Variants in DHX57 observed in about 807,000 individuals in gnomAD.
DHX57 encodes the protein DExH-box helicase 57, also known as putative ATP-dependent RNA helicase DHX57.
Under a neutral mutation model 156.2 loss-of-function variants are expected in DHX57, and 105 were observed. The ratio of observed to expected loss-of-function variants is 0.67; its 90% CI spans 0.57 to 0.79. DHX57 has a LOEUF of 0.79. Among genes scored for constraint, DHX57 ranks in the 30% least tolerant of loss-of-function variants. The pLI, the probability that DHX57 is intolerant of heterozygous loss-of-function variation, is 0.00. For synonymous variants in DHX57, 704 were observed against 595.6 expected (o/e 1.18, Z -2.65); for missense variants, 1,847 against 1,661.9 (o/e 1.11, Z -1.94).
chr2:38,826,825 A>C, intron 14 of DHX57, 136 bp from the exon 15 acceptor site: 3 of 954,510 alleles, frequency 3.1e-6, no homozygotes, highest in Non-Finnish European at 3.1e-6. Context: ...CTCAGAGCTC[A>C]GCTCTTCTAC....
intron 11 of DHX57, among the ~76,000 whole-genome samples, chr2:38,845,374 T>C (rs775316721): frequency 2.6e-5 from 4 of 152,134 alleles, no homozygotes; most frequent in Non-Finnish European, 5.9e-5. Context: ...TAAGTATCCT[T>C]ATTGCACATT....
In DHX57 at chr2:38,807,945, C is replaced by CTTTTTT. The variant is rs34221239; in HGVS notation, c.3682-1258_3682-1253dup. The stretch of plus-strand genomic sequence containing the variant: ...ACAGGCGTGAGCCACTGTGTCTTGC[C>CTTTTTT]TTTTTTTTTTTTTTTTTTTTTTTTT... On this transcript the variant is annotated intron_variant, in intron 21 of 23. Coordinates refer to ENST00000457308, the MANE Select transcript of DHX57 (RefSeq NM_198963.3). 5.5e-5 allele frequency among the ~76,000 whole-genome samples: 3 copies of CTTTTTT among 54,254 alleles called. 1 individual carries two copies. Among genetic ancestry groups the CTTTTTT allele is most frequent in the East Asian group, 8.5e-4 (1 of 1,178 alleles). The allele number at this position is 54,254 out of a possible 152,430, so 35.6% of individuals were successfully genotyped here.
In DHX57 at chr2:38,815,901, C is replaced by A. The variant is rs113916566; in HGVS notation, c.3472-246G>T. The stretch of plus-strand genomic sequence containing the variant: ...GCAAAAATTCAATAAATCCAAGGAT[C>A]ATTTATTTAACTCTAGATTACAATT... On this transcript the variant is annotated intron_variant, in intron 19 of 23. Transcript: ENST00000457308. 577 of 526,240 alleles carry A rather than the reference C, an allele frequency of 1.1e-3. 3 individuals carry two copies. Among genetic ancestry groups the A allele is most frequent in the African/African-American group, 9.9e-3 (519 of 52,368 alleles). 32.6% of individuals were successfully genotyped at this position (526,240 alleles called of 1,614,324 possible). A position where few individuals can be genotyped will look rare whatever the true frequency, so the allele number is the denominator to read the frequency against.
Position 38,826,630 on chromosome 2 carries a change from A to G in DHX57, c.2699T>C (p.Val900Ala). The change falls in exon 15 of 24, where the codon GTA becomes GCA. Residue 900 changes from valine to alanine, a missense_variant. By Grantham distance (64) the Val-to-Ala change is moderately conservative. Coordinates refer to ENST00000457308, the MANE Select transcript of DHX57 (RefSeq NM_198963.3). ...CTTAGTTACTCCTGCAGGAGGTTTT[A>G]CAAACACAGCCTGCTGCTCTTCACT... ...LSSEEQQAVF[V>A]KPPAGVTKII... is the part of the protein sequence containing the mutation. 1.9e-6 allele frequency: 3 copies of G among 1,614,176 alleles called. No individual in the cohort carries two copies. Among genetic ancestry groups the G allele is most frequent in the Non-Finnish European group, 2.5e-6 (3 of 1,180,010 alleles).
chr2:38,861,025 G>A lies in DHX57; in HGVS notation c.1385C>T (p.Ser462Phe), dbSNP rs1353484091. Reference protein sequence around the residue: ...ACHKTVIPNNSFVSNQIPEVE... With the variant: ...ACHKTVIPNNFFVSNQIPEVE... Reference sequence around the variant, plus strand: ...TTCTGGAATTTGATTAGAAACAAAAGAATTATTTGGAATCACTGTTTTATG... The same window carrying A: ...TTCTGGAATTTGATTAGAAACAAAAAAATTATTTGGAATCACTGTTTTATG... The change falls in exon 5 of 24, where the codon TCT (serine) becomes TTT (phenylalanine). Residue 462 changes from serine (S) to phenylalanine (F), a missense_variant. Transcript: ENST00000457308. The A allele has an allele frequency of 1.2e-6, 2 of 1,613,620 alleles. No homozygotes were observed. The highest frequency in any genetic ancestry group is 1.1e-5 in the South Asian group (1 of 91,014).
intron 14 of DHX57, among the ~76,000 whole-genome samples, chr2:38,827,056 A>C (rs1490234827): frequency 6.6e-6 from 1 of 152,146 alleles, no homozygotes; most frequent in East Asian, 1.9e-4. Flanking sequence ...ACTTGAGCCC[A>C]GGATGCAGAG....
intron 16 of DHX57, among the ~76,000 whole-genome samples, chr2:38,824,659 TG>T (rs1006944889): frequency 7.3e-4 from 111 of 152,358 alleles, no homozygotes; most frequent in African/African-American, 2.4e-3. Flanking sequence ...TTTTATTTTT[TG>T]GGGGGGTATA....
intron 9 of DHX57, among the ~76,000 whole-genome samples, chr2:38,849,396 A>T (rs1672464018): frequency 6.6e-6 from 1 of 152,176 alleles, no homozygotes; most frequent in South Asian, 2.1e-4. Flanking sequence ...ACAGCCAACC[A>T]ATAATGCTCT....
chr2:38,837,344 C>T (rs1358354581), intron 13 of DHX57, among the ~76,000 whole-genome samples: 1 of 152,010 alleles, frequency 6.6e-6, no homozygotes, highest in Non-Finnish European at 1.5e-5. Context: ...GGCACGGTGG[C>T]TCACGCCAAT....
At chr2:38,860,310 G>T (rs185144020) in intron 5 of DHX57, among the ~76,000 whole-genome samples, 222 of 152,250 alleles carry the variant, frequency 1.5e-3, no homozygotes, top group African/African-American at 5.1e-3. Flanking sequence ...TTAGCCAGGC[G>T]TGGTGGCGGG....
At chr2:38,841,766 T>C (rs1291559028) in intron 12 of DHX57, among the ~76,000 whole-genome samples, 2 of 152,138 alleles carry the variant, frequency 1.3e-5, no homozygotes, top group Non-Finnish European at 2.9e-5. Context: ...AAAGTAGTGA[T>C]CCTGGGGTTT....
chr2:38,855,369 T>C, intron 7 of DHX57, 117 bp from the exon 8 acceptor site: 1 of 1,146,008 alleles, frequency 8.7e-7, no homozygotes, highest in Non-Finnish European at 1.3e-6. Flanking sequence ...GTTGTTCAGT[T>C]TCAGGTATTT....
intron 21 of DHX57, among the ~76,000 whole-genome samples, chr2:38,807,362 A>G (rs892228861): frequency 3.3e-5 from 5 of 151,154 alleles, no homozygotes; most frequent in African/African-American, 1.2e-4. Flanking sequence ...ACCAGTAAAT[A>G]TAACTTTTTT....
At chr2:38,822,648 G>A (rs1254192846) in intron 17 of DHX57, among the ~76,000 whole-genome samples, 5 of 152,114 alleles carry the variant, frequency 3.3e-5, no homozygotes, top group Non-Finnish European at 7.4e-5. Flanking sequence ...GCCCGCCTCC[G>A]CCTCCCAAAG....
At chr2:38,810,701 A>T in intron 21 of DHX57, 1 of 739,726 alleles carries the variant, frequency 1.4e-6, no homozygotes, top group Non-Finnish European at 2.4e-6. Flanking sequence ...GGGTTGTGCC[A>T]GAAACCGGTG....
Position 38,828,354 on chromosome 2 carries a change from G to C in DHX57, c.2625C>G (p.Asn875Lys), listed in dbSNP as rs757076276. 10 of 1,611,568 alleles carry C rather than the reference G, an allele frequency of 6.2e-6. No homozygotes were observed. The highest frequency in any genetic ancestry group is 8.5e-6 in the Non-Finnish European group (10 of 1,179,084). Residue 875 changes from asparagine to lysine, a missense_variant, in exon 14 of 24, where the codon AAC becomes AAG. Asn to Lys is a moderately conservative substitution (Grantham distance 94). Transcript: ENST00000457308. ...EQLQSNSLFN[N>K]RRSNRCVIHP... is the part of the protein sequence containing the mutation. The stretch of plus-strand genomic sequence containing the variant: ...AATTAGCTTACCGATTACTACGTCT[G>C]TTGTTGAAAAGAGAATTAGACTGTA...
chr2:38,872,245 C>CA (rs753877748), intron 1 of DHX57, among the ~76,000 whole-genome samples: 16 of 152,206 alleles, frequency 1.1e-4, no homozygotes, highest in Non-Finnish European at 2.4e-4. Context: ...AAAGCAATCA[C>CA]AAAAATACTA....
intron 12 of DHX57, among the ~76,000 whole-genome samples, chr2:38,840,329 A>T (rs547987320): frequency 1.3e-5 from 2 of 152,166 alleles, no homozygotes; most frequent in South Asian, 4.1e-4. Flanking sequence ...GCTAGGAAAC[A>T]TTATTTAATT....
At chr2:38,831,566 T>A (rs1045142359) in intron 13 of DHX57, among the ~76,000 whole-genome samples, 2 of 152,164 alleles carry the variant, frequency 1.3e-5, no homozygotes, top group African/African-American at 4.8e-5. Flanking sequence ...TGGAATGAAA[T>A]GACATAGGCT....
Sources: allele counts gnomAD v4.1 joint callset (sites outside exome capture counted in the v4.1 genomes callset), GRCh38; gene constraint gnomAD v4.1.1; transcripts MANE v1.5; gene names NCBI Gene and HGNC (gene_info 2026-07-23, HGNC 2026-07-21).